The following XXYLT1 variants were observed in gnomAD, a reference collection of about 807,000 sequenced individuals.
The protein encoded by XXYLT1 is UDP-xylose:alpha-xyloside alpha-1,3-xylosyltransferase.
In XXYLT1, 20 loss-of-function variants were observed where a neutral mutation model predicts 28.9. The observed-to-expected ratio is 0.69, with a 90% CI of 0.49 to 1.00. The LOEUF is 1.00. XXYLT1 is among the 50% of genes least tolerant of loss of function. XXYLT1 has a pLI of 0.00. For missense variants in XXYLT1, 542 were observed against 560.1 expected (o/e 0.97, Z 0.33); for synonymous variants, 257 against 253.8 (o/e 1.01, Z -0.12).
At chr3:195,265,844 G>A (rs1025292940) in intron 1 of XXYLT1, among the ~76,000 whole-genome samples, 5 of 152,178 alleles carry the variant, frequency 3.3e-5, no homozygotes, top group Non-Finnish European at 5.9e-5. Context: ...GCCGAGGACC[G>A]TGGTGGCTTC....
chr3:195,159,986 A>G (rs957082895), intron 2 of XXYLT1, among the ~76,000 whole-genome samples: 9 of 152,112 alleles, frequency 5.9e-5, no homozygotes, highest in African/African-American at 2.2e-4. Flanking sequence ...GCTCATCATC[A>G]GCATCCAATT....
chr3:195,181,966 C>T (rs1721974276), intron 2 of XXYLT1, among the ~76,000 whole-genome samples: 1 of 152,216 alleles, frequency 6.6e-6, no homozygotes, highest in Non-Finnish European at 1.5e-5. Context: ...TCTCAACAAA[C>T]ACTCCAGTTC....
chr3:195,135,567 G>T (rs1261936649), intron 3 of XXYLT1, among the ~76,000 whole-genome samples: 1 of 152,120 alleles, frequency 6.6e-6, no homozygotes, highest in Non-Finnish European at 1.5e-5. Flanking sequence ...AGGCTGGCTC[G>T]GAACACAGTC....
intron 3 of XXYLT1, among the ~76,000 whole-genome samples, chr3:195,096,633 G>GC (rs1411576389): frequency 6.8e-6 from 1 of 147,876 alleles, no homozygotes; most frequent in Non-Finnish European, 1.5e-5. Context: ...GCACAGATGT[G>GC]CAAGGAAACC....
chr3:195,105,199 A>G (rs572747756), intron 3 of XXYLT1, among the ~76,000 whole-genome samples: 5 of 152,366 alleles, frequency 3.3e-5, no homozygotes, highest in South Asian at 2.1e-4. Context: ...GAAAGAGGTG[A>G]ATGTCAAGGG....
intron 3 of XXYLT1, among the ~76,000 whole-genome samples, chr3:195,126,387 ATCATTCAT>A (rs1312115399): frequency 1.3e-5 from 2 of 152,236 alleles, no homozygotes; most frequent in Non-Finnish European, 2.9e-5. Flanking sequence ...TCATTCTGTG[ATCATTCAT>A]TCATTCATTC....
intron 3 of XXYLT1, among the ~76,000 whole-genome samples, chr3:195,111,184 G>A (rs942103272): frequency 1.3e-5 from 2 of 151,988 alleles, no homozygotes; most frequent in Admixed American, 6.6e-5. Context: ...AAGCAAAGCC[G>A]TGATCTGACT....
At chr3:195,254,157 G>A (rs896858030) in intron 1 of XXYLT1, among the ~76,000 whole-genome samples, 4 of 152,220 alleles carry the variant, frequency 2.6e-5, no homozygotes, top group Admixed American at 6.5e-5. Context: ...GGCCACAGAC[G>A]TCAGCAGTGA....
intron 2 of XXYLT1, among the ~76,000 whole-genome samples, chr3:195,215,769 A>G (rs1220758116): frequency 6.6e-6 from 1 of 152,222 alleles, no homozygotes; most frequent in Non-Finnish European, 1.5e-5. Flanking sequence ...TCAAAGAGAC[A>G]GAAAGTCAAC....
At chr3:195,085,689 G>A (rs956287873) in intron 3 of XXYLT1, among the ~76,000 whole-genome samples, 8 of 152,216 alleles carry the variant, frequency 5.3e-5, no homozygotes, top group East Asian at 3.8e-4. Context: ...CTGATGCGGC[G>A]AGACCACTCC....
At chr3:195,172,319 G>T (rs757297181) in intron 2 of XXYLT1, among the ~76,000 whole-genome samples, 1 of 152,148 alleles carries the variant, frequency 6.6e-6, no homozygotes, top group African/African-American at 2.4e-5. Flanking sequence ...GAAGTGTTTC[G>T]CTCAGGAGGA....
intron 3 of XXYLT1, among the ~76,000 whole-genome samples, chr3:195,098,531 A>G (rs933191977): frequency 6.6e-6 from 1 of 152,196 alleles, no homozygotes; most frequent in African/African-American, 2.4e-5. Context: ...CCAGCCTGGG[A>G]GACAGAGAGA....
At chr3:195,105,736 GA>G (rs1489442187) in intron 3 of XXYLT1, among the ~76,000 whole-genome samples, 1 of 150,704 alleles carries the variant, frequency 6.6e-6, no homozygotes, top group African/African-American at 2.4e-5. Context: ...AGGGATCCCT[GA>G]GCCAGACCTA....
Position 195,210,499 on chromosome 3 carries a change from T to C in XXYLT1, c.652+16210A>G, listed in dbSNP as rs1723268310. On this transcript the variant is annotated intron_variant, in intron 2 of 3. Transcript: ENST00000310380. The surrounding 1 kb of genome is among the most constrained non-coding windows in gnomAD (Gnocchi z 4.8). ...AGAGCCAGCTGATGCCTTTGACCGA[T>C]AGCCAAGAATTTAAAAGAAGATCTT... is the stretch of plus-strand genomic sequence containing the variant. Among the ~76,000 whole-genome samples, 1 of 152,184 alleles carries C rather than the reference T, an allele frequency of 6.6e-6. No homozygotes were observed. Among genetic ancestry groups the C allele is most frequent in the East Asian group, 1.9e-4 (1 of 5,186 alleles).
intron 2 of XXYLT1, among the ~76,000 whole-genome samples, chr3:195,219,837 C>G (rs1370593513): frequency 1.3e-5 from 2 of 152,178 alleles, no homozygotes; most frequent in East Asian, 3.8e-4. Flanking sequence ...ATGGGGCCAC[C>G]CCAATTTGTT....
intron 1 of XXYLT1, chr3:195,247,986 C>T (rs1725102344): frequency 1.1e-5 from 6 of 541,066 alleles, no homozygotes; most frequent in Non-Finnish European, 1.7e-5. Flanking sequence ...CTTCCTCTGA[C>T]ACGTGGGGAT....
intron 3 of XXYLT1, among the ~76,000 whole-genome samples, chr3:195,112,395 TGCACGTGC>T (rs543112838): frequency 2.6e-4 from 40 of 152,072 alleles, no homozygotes; most frequent in South Asian, 2.3e-3. Flanking sequence ...CAGCAAGGAC[TGCACGTGC>T]GCACGTGCGC....
At chr3:195,238,380 C>T (rs574054309) in intron 1 of XXYLT1, among the ~76,000 whole-genome samples, 3 of 152,302 alleles carry the variant, frequency 2.0e-5, no homozygotes, top group South Asian at 2.1e-4. Flanking sequence ...CACCCTGCAT[C>T]GCATGGGGGC....
In XXYLT1 at chr3:195,129,191, C is replaced by T. The variant is rs78281696; in HGVS notation, c.785+27258G>A. On this transcript the variant is annotated intron_variant, in intron 3 of 3. Coordinates refer to ENST00000310380, the MANE Select transcript of XXYLT1 (RefSeq NM_152531.5). The surrounding 1 kb of genome is among the most constrained non-coding windows in gnomAD (Gnocchi z 4.4). ...GTGAACACTGAAGTCTGCACTTATA[C>T]GGCAGCCATTTACAACCTCCTGCCC... Among the ~76,000 whole-genome samples, 4,013 of 152,204 alleles carry T rather than the reference C, an allele frequency of 0.026. 172 individuals are homozygous for T. Among genetic ancestry groups the T allele is most frequent in the African/African-American group, 0.092 (3,813 of 41,512 alleles).
Sources: allele counts gnomAD v4.1 joint callset (sites outside exome capture counted in the v4.1 genomes callset), GRCh38; gene constraint gnomAD v4.1.1; non-coding constraint Gnocchi (gnomAD v3.1); transcripts MANE v1.5; gene names NCBI Gene and HGNC (gene_info 2026-07-23, HGNC 2026-07-21).